RALGAPA1: variants seen among roughly 807,000 people sequenced by gnomAD.
RALGAPA1 encodes the protein Ral GTPase activating protein catalytic subunit alpha 1.
A neutral mutation model predicts 269.6 loss-of-function variants in RALGAPA1; 52 were observed. That is an observed-to-expected ratio of 0.19 (90% CI 0.15 to 0.24). RALGAPA1 has a LOEUF of 0.24. RALGAPA1 is among the 10% of genes least tolerant of loss of function. The pLI, the probability that RALGAPA1 is intolerant of heterozygous loss-of-function variation, is 1.00. For missense variants in RALGAPA1, 1,917 were observed against 3,013.9 expected (o/e 0.64, Z 8.52); for synonymous variants, 817 against 1,008.3 (o/e 0.81, Z 3.60).
chr14:35,715,683 C>T (rs558866317), intron 16 of RALGAPA1: 76 of 978,496 alleles, frequency 7.8e-5, no homozygotes, highest in Middle Eastern at 5.3e-4. Context: ...TTTGCTTGTA[C>T]AACTGTCAGG....
chr14:35,675,609 G>A (rs541595457), intron 22 of RALGAPA1, among the ~76,000 whole-genome samples: 3 of 152,062 alleles, frequency 2.0e-5, no homozygotes, highest in Non-Finnish European at 4.4e-5. Context: ...CTAATTATGT[G>A]TTATAAAAGT....
chr14:35,768,253 C>T (rs2074311835), intron 4 of RALGAPA1, among the ~76,000 whole-genome samples: 1 of 152,216 alleles, frequency 6.6e-6, no homozygotes, highest in East Asian at 1.9e-4. Flanking sequence ...AAAAAAATTT[C>T]TTTTGTCTTT....
intron 40 of RALGAPA1, among the ~76,000 whole-genome samples, chr14:35,548,765 T>C (rs2054690539): frequency 6.6e-6 from 1 of 152,154 alleles, no homozygotes; most frequent in African/African-American, 2.4e-5. Flanking sequence ...TGGGGTGATA[T>C]TCTTGGCCAC....
intron 41 of RALGAPA1, among the ~76,000 whole-genome samples, chr14:35,546,095 C>A (rs892954631): frequency 3.3e-5 from 5 of 152,064 alleles, no homozygotes; most frequent in African/African-American, 9.7e-5. Context: ...CCCTCAATGA[C>A]CTTAGGGATA....
chr14:35,594,203 T>C (rs753153821), intron 37 of RALGAPA1, among the ~76,000 whole-genome samples: 43 of 152,218 alleles, frequency 2.8e-4, no homozygotes, highest in Non-Finnish European at 5.6e-4. Flanking sequence ...TCCTTGATAC[T>C]GGCCTTGGCA....
At position 35,749,266 on chromosome 14, in the gene RALGAPA1, TAA is replaced by T. The variant is rs1344656476; in HGVS notation, c.1012-444_1012-443del. Among the ~76,000 whole-genome samples the T allele has an allele frequency of 2.6e-5, 4 of 152,098 alleles. No homozygotes were observed. In the East Asian group the frequency reaches 7.7e-4, roughly 29 times the overall value. On this transcript the variant is annotated intron_variant, in intron 9 of 41. Transcript: ENST00000680220. ...TACTGTGGACAAAAATTTAGACAAG[TAA>T]AAGTTTCCTAAACAAAACAAAAAAC...
In RALGAPA1 at chr14:35,745,422, GACACAC is replaced by G. The variant is rs71445957; in HGVS notation, c.1252-2863_1252-2858del. Among the ~76,000 whole-genome samples, 836 of 146,782 alleles carry G rather than the reference GACACAC, an allele frequency of 5.7e-3. 9 individuals carry two copies. Among genetic ancestry groups the G allele is most frequent in the African/African-American group, 0.019 (776 of 40,308 alleles). On this transcript the variant is annotated intron_variant, in intron 10 of 41. Coordinates refer to ENST00000680220, the MANE Select transcript of RALGAPA1 (RefSeq NM_001346249.2). ...ATACACATACACAGACACACAGACA[GACACAC>G]ACACACACACACACACACACACAGT...
At chr14:35,744,371 CAA>C (rs34442349) in intron 10 of RALGAPA1, among the ~76,000 whole-genome samples, 3 of 139,618 alleles carry the variant, frequency 2.1e-5, no homozygotes, top group African/African-American at 5.3e-5. Context: ...GACTCCATCT[CAA>C]AAAAAAAAAA....
At chr14:35,776,385 G>GAAAA (rs35941793) in intron 1 of RALGAPA1, among the ~76,000 whole-genome samples, 1 of 139,078 alleles carries the variant, frequency 7.2e-6, no homozygotes. Context: ...CCACCTTGGG[G>GAAAA]AAAAAAAAAA....
Position 35,792,502 on chromosome 14 carries a change from G to A in RALGAPA1, c.106+16228C>T, listed in dbSNP as rs547204487. Among the ~76,000 whole-genome samples the A allele has an allele frequency of 5.3e-5, 8 of 152,156 alleles. No homozygotes were observed. The South Asian group carries it at 1.5e-3, about 28-fold the overall frequency. On this transcript the variant is annotated intron_variant, in intron 1 of 41. Coordinates refer to ENST00000680220, the MANE Select transcript of RALGAPA1 (RefSeq NM_001346249.2). Reference sequence around the variant, plus strand: ...TTTAGAAAGATTGCTACAGGACCTGGCTGGGCATGGTGGCTCATGCCTGTA... The same window carrying A: ...TTTAGAAAGATTGCTACAGGACCTGACTGGGCATGGTGGCTCATGCCTGTA...
At chr14:35,651,322 A>G (rs1256322283) in intron 31 of RALGAPA1, among the ~76,000 whole-genome samples, 1 of 152,224 alleles carries the variant, frequency 6.6e-6, no homozygotes, top group Non-Finnish European at 1.5e-5. Flanking sequence ...GGTAAATACA[A>G]TATCTGAAAA....
intron 1 of RALGAPA1, among the ~76,000 whole-genome samples, chr14:35,796,704 C>T (rs998862704): frequency 6.6e-6 from 1 of 151,264 alleles, no homozygotes; most frequent in Non-Finnish European, 1.5e-5. Context: ...ACAATACAAA[C>T]AAGAATACAG....
intron 20 of RALGAPA1, among the ~76,000 whole-genome samples, chr14:35,684,389 C>G (rs1407186429): frequency 1.3e-5 from 2 of 152,128 alleles, no homozygotes; most frequent in African/African-American, 4.8e-5. Context: ...AAAGGAAGTT[C>G]TGGGTACTGT....
chr14:35,582,411 A>C lies in RALGAPA1; in HGVS notation c.7210-9693T>G, dbSNP rs1178349576. The stretch of plus-strand genomic sequence containing the variant: ...TAAAATGCCGAACAAACTGAAAATC[A>C]ACAATTCTTTTTAGCATCATCAGAG... On this transcript the variant is annotated intron_variant, in intron 37 of 41. Transcript: ENST00000680220. 3.3e-5 allele frequency among the ~76,000 whole-genome samples: 5 copies of C among 152,250 alleles called. 1 individual carries two copies. The highest frequency in any genetic ancestry group is 1.3e-4 in the Admixed American group (2 of 15,286).
At chr14:35,772,167 C>A (rs140011657) in intron 3 of RALGAPA1, among the ~76,000 whole-genome samples, 1 of 152,104 alleles carries the variant, frequency 6.6e-6, no homozygotes, top group South Asian at 2.1e-4. Context: ...GTGATCCACT[C>A]GTCTCAGCCT....
At chr14:35,552,789 C>T (rs370121710) in intron 39 of RALGAPA1, among the ~76,000 whole-genome samples, 69 of 151,252 alleles carry the variant, frequency 4.6e-4, no homozygotes, top group African/African-American at 1.3e-3. Flanking sequence ...ATCCTCCTTC[C>T]GCTTTCTACA....
rs182997106 is a variant in RALGAPA1, at chr14:35,609,799, G to C, written c.6930-4090C>G. Among the ~76,000 whole-genome samples the C allele has an allele frequency of 1.0e-3, 153 of 151,662 alleles. 1 individual carries two copies. The highest frequency in any genetic ancestry group is 2.9e-3 in the African/African-American group (122 of 41,362). On this transcript the variant is annotated intron_variant, in intron 35 of 41. Coordinates refer to ENST00000680220, the MANE Select transcript of RALGAPA1 (RefSeq NM_001346249.2). ...CAGCTGGGTGTGATGGTGCACACCA[G>C]TGGTCCCAGGGCCCCTACTTGGGGA...
intron 36 of RALGAPA1, among the ~76,000 whole-genome samples, chr14:35,598,233 T>C (rs2059041556): frequency 6.6e-6 from 1 of 152,150 alleles, no homozygotes; most frequent in South Asian, 2.1e-4. Flanking sequence ...CTATGTCTTC[T>C]TGGTGAACTG....
chr14:35,738,794 C>A (rs2071279397), intron 11 of RALGAPA1, 144 bp from the exon 12 acceptor site: 1 of 607,110 alleles, frequency 1.6e-6, no homozygotes, highest in Non-Finnish European at 2.8e-6. Flanking sequence ...TTATCCAAAT[C>A]CAAAAACAAT....
Sources: allele counts gnomAD v4.1 joint callset (sites outside exome capture counted in the v4.1 genomes callset), GRCh38; gene constraint gnomAD v4.1.1; transcripts MANE v1.5; gene names NCBI Gene and HGNC (gene_info 2026-07-23, HGNC 2026-07-21).